Variants in KCNIP1 observed in about 807,000 individuals in gnomAD.
The protein encoded by KCNIP1 is potassium voltage-gated channel interacting protein 1.
A neutral mutation model predicts 33.0 loss-of-function variants in KCNIP1; 18 were observed. That is an observed-to-expected ratio of 0.55 (90% CI 0.38 to 0.81). The LOEUF (loss-of-function observed/expected upper bound fraction) is 0.81. KCNIP1 is among the 30% of genes least tolerant of loss of function. The pLI, the probability that KCNIP1 is intolerant of heterozygous loss-of-function variation, is 0.00. For missense variants in KCNIP1, 238 were observed against 271.6 expected, an observed-to-expected ratio of 0.88 and a Z score of 0.87; for synonymous variants, 93 against 98.3, an observed-to-expected ratio of 0.95 and a Z score of 0.32.
At chr5:170,601,802 T>C (rs1335501633) in intron 1 of KCNIP1, among the ~76,000 whole-genome samples, 3 of 152,118 alleles carry the variant, frequency 2.0e-5, no homozygotes, top group Non-Finnish European at 2.9e-5. Flanking sequence ...GCATCGAGCA[T>C]GGTAAGGGAC....
chr5:170,467,611 C>A (rs779182331), intron 1 of KCNIP1, among the ~76,000 whole-genome samples: 1 of 152,034 alleles, frequency 6.6e-6, no homozygotes, highest in Non-Finnish European at 1.5e-5. Context: ...TCTTCTAACC[C>A]AAGGAAGATT....
intron 1 of KCNIP1, among the ~76,000 whole-genome samples, chr5:170,482,895 G>A (rs1345734281): frequency 6.6e-6 from 1 of 152,204 alleles, no homozygotes; most frequent in African/African-American, 2.4e-5. Context: ...GCATTTTGGT[G>A]CTATTGTCCC....
chr5:170,479,994 A>C (rs1193240222), intron 1 of KCNIP1, among the ~76,000 whole-genome samples: 2 of 152,224 alleles, frequency 1.3e-5, no homozygotes, highest in African/African-American at 4.8e-5. Context: ...TTTTAAATAA[A>C]ACCATAAGTT....
chr5:170,473,001 C>T (rs1756771623), intron 1 of KCNIP1, among the ~76,000 whole-genome samples: 1 of 152,062 alleles, frequency 6.6e-6, no homozygotes, highest in South Asian at 2.1e-4. Flanking sequence ...TTTAAGGAAT[C>T]TCCACACTGT....
intron 1 of KCNIP1, among the ~76,000 whole-genome samples, chr5:170,702,642 A>T (rs574946187): frequency 6.6e-6 from 1 of 152,150 alleles, no homozygotes; most frequent in Non-Finnish European, 1.5e-5. Context: ...ATAGAGACAC[A>T]ATTACAAAGA....
intron 1 of KCNIP1, among the ~76,000 whole-genome samples, chr5:170,380,625 G>T (rs950009645): frequency 1.2e-4 from 18 of 152,226 alleles, no homozygotes; most frequent in African/African-American, 4.1e-4. Flanking sequence ...TGAGGCTGGG[G>T]AGACGCTGGC....
chr5:170,534,203 T>A (rs9313507), intron 1 of KCNIP1, among the ~76,000 whole-genome samples: 37,167 of 152,078 alleles, frequency 0.24, 5,981 homozygotes, highest in African/African-American at 0.46. Context: ...ACCATTTTAA[T>A]GGGTTGGAAT....
intron 1 of KCNIP1, among the ~76,000 whole-genome samples, chr5:170,652,941 G>C (rs1741947248): frequency 6.6e-6 from 1 of 152,180 alleles, no homozygotes; most frequent in Non-Finnish European, 1.5e-5. Flanking sequence ...AAAAAACGAA[G>C]GCCCTGCCTT....
intron 1 of KCNIP1, among the ~76,000 whole-genome samples, chr5:170,648,686 C>T (rs1003399609): frequency 2.6e-5 from 4 of 152,114 alleles, no homozygotes; most frequent in Non-Finnish European, 2.9e-5. Flanking sequence ...CAATGGTAGA[C>T]ATATGTCGTA....
rs1754625517 is a variant in KCNIP1 at position 170,504,477 on chromosome 5, C to T, written c.-96C>T. 5 of 1,587,914 alleles carry T rather than the reference C, an allele frequency of 3.1e-6. No homozygotes were observed. Among genetic ancestry groups the T allele is most frequent in the East Asian group, 2.2e-5 (1 of 44,670 alleles). On this transcript the variant is annotated 5_prime_UTR_variant, in exon 1 of 8. Coordinates refer to ENST00000328939, the MANE Select transcript of KCNIP1 (RefSeq NM_014592.4). This position sits in a 1 kb window ranked among gnomAD's most constrained non-coding sequence, Gnocchi z 6.0. ...GGCGAGCTGCCGGGCGCTTTTCTCT[C>T]CTCCAATTCAGAGTAGACAAACCAC...
At chr5:170,715,700 C>T (rs940535543) in intron 1 of KCNIP1, among the ~76,000 whole-genome samples, 3 of 152,210 alleles carry the variant, frequency 2.0e-5, no homozygotes, top group Non-Finnish European at 4.4e-5. Flanking sequence ...AAGTACTTTA[C>T]AAACAAAAGG....
intron 1 of KCNIP1, among the ~76,000 whole-genome samples, chr5:170,671,693 C>A (rs1307693915): frequency 1.3e-5 from 2 of 152,154 alleles, no homozygotes; most frequent in Non-Finnish European, 2.9e-5. Flanking sequence ...TAGCACAGAG[C>A]CTGGCTCATA....
chr5:170,587,839 G>A (rs1758057034), intron 1 of KCNIP1, among the ~76,000 whole-genome samples: 1 of 152,184 alleles, frequency 6.6e-6, no homozygotes, highest in Non-Finnish European at 1.5e-5. Context: ...CAGCTTCTGG[G>A]GATTAGGACA....
chr5:170,354,721 C>T (rs779908994), intron 1 of KCNIP1, among the ~76,000 whole-genome samples: 2 of 152,224 alleles, frequency 1.3e-5, no homozygotes, highest in Non-Finnish European at 2.9e-5. Context: ...GCTAACTCCT[C>T]AGGGCCCAGT....
At chr5:170,559,651 C>T (rs1294912490) in intron 1 of KCNIP1, among the ~76,000 whole-genome samples, 2 of 152,158 alleles carry the variant, frequency 1.3e-5, no homozygotes, top group Admixed American at 6.5e-5. Flanking sequence ...CAGTTCTCCC[C>T]TCTAGGCTGG....
chr5:170,725,540 G>A (rs1478892504), intron 5 of KCNIP1, among the ~76,000 whole-genome samples: 1 of 152,094 alleles, frequency 6.6e-6, no homozygotes, highest in Non-Finnish European at 1.5e-5. Flanking sequence ...GGGGCTGTGG[G>A]GGAAGTTAGG....
intron 1 of KCNIP1, among the ~76,000 whole-genome samples, chr5:170,583,235 C>G (rs1757864177): frequency 6.6e-6 from 1 of 152,226 alleles, no homozygotes; most frequent in African/African-American, 2.4e-5. Context: ...TTTCTCTCCC[C>G]ACCCTTCTCA....
intron 1 of KCNIP1, among the ~76,000 whole-genome samples, chr5:170,696,659 A>T (rs1280573635): frequency 1.3e-5 from 2 of 152,188 alleles, no homozygotes; most frequent in Non-Finnish European, 2.9e-5. Context: ...GACTCAGAGA[A>T]ACCCAGGAAA....
chr5:170,371,072 G>A (rs1437795583), intron 1 of KCNIP1, among the ~76,000 whole-genome samples: 1 of 152,202 alleles, frequency 6.6e-6, no homozygotes, highest in African/African-American at 2.4e-5. Flanking sequence ...TGAGAGGCGG[G>A]TGCATTTGCT....
Sources: allele counts gnomAD v4.1 joint callset (sites outside exome capture counted in the v4.1 genomes callset), GRCh38; gene constraint gnomAD v4.1.1; non-coding constraint Gnocchi (gnomAD v3.1); transcripts MANE v1.5; gene names NCBI Gene and HGNC (gene_info 2026-07-23, HGNC 2026-07-21).